Variants in MAP2K6 observed in about 807,000 individuals in gnomAD.
The protein encoded by MAP2K6 is dual specificity mitogen-activated protein kinase kinase 6.
A neutral mutation model predicts 53.7 loss-of-function variants in MAP2K6; 16 were observed. The observed-to-expected ratio is 0.30, with a 90% confidence interval of 0.20 to 0.45. The LOEUF is 0.45. Among genes scored for constraint, MAP2K6 ranks in the 20% least tolerant of loss-of-function variants. The pLI is 1.00. For missense variants in MAP2K6, 204 were observed against 411.9 expected (o/e 0.50, Z 4.37); for synonymous variants, 132 against 143.1 (o/e 0.92, Z 0.55).
At chr17:69,533,640 C>G (rs1911201032) in intron 10 of MAP2K6, among the ~76,000 whole-genome samples, 1 of 151,718 alleles carries the variant, frequency 6.6e-6, no homozygotes, top group African/African-American at 2.4e-5. Context: ...TTGTTATTTA[C>G]TTAGCGTGTT....
At chr17:69,493,547 G>A (rs1908833596) in intron 1 of MAP2K6, among the ~76,000 whole-genome samples, 1 of 152,134 alleles carries the variant, frequency 6.6e-6, no homozygotes, top group Non-Finnish European at 1.5e-5. Flanking sequence ...GATCACCTGA[G>A]GTCAGGAGTT....
intron 11 of MAP2K6, among the ~76,000 whole-genome samples, chr17:69,537,538 T>C (rs989802264): frequency 6.6e-6 from 1 of 152,212 alleles, no homozygotes; most frequent in Non-Finnish European, 1.5e-5. Flanking sequence ...GGCTTAGATA[T>C]GAGGAAGCAC....
intron 1 of MAP2K6, among the ~76,000 whole-genome samples, chr17:69,455,040 T>G (rs907155586): frequency 1.3e-4 from 19 of 151,388 alleles, no homozygotes; most frequent in Non-Finnish European, 1.0e-4. Flanking sequence ...TTATTATTTT[T>G]TTTTTTTTTT....
rs539645746 is a variant in MAP2K6, at chr17:69,446,788, T to G, written c.16+31788T>G. 3.1e-4 allele frequency among the ~76,000 whole-genome samples: 47 copies of G among 152,056 alleles called. 1 individual carries two copies. Among genetic ancestry groups the G allele is most frequent in the African/African-American group, 1.1e-3 (46 of 41,494 alleles). Reference sequence around the variant, plus strand: ...ATGCACGAACGCCTCCTCCACCCTTTTACAATTGCTGTGCTTTGAGCTTAT... The same window carrying G: ...ATGCACGAACGCCTCCTCCACCCTTGTACAATTGCTGTGCTTTGAGCTTAT... On this transcript the variant is annotated intron_variant, in intron 1 of 11. Transcript: ENST00000590474.
intron 10 of MAP2K6, among the ~76,000 whole-genome samples, chr17:69,534,006 A>G (rs1911226466): frequency 6.6e-6 from 1 of 152,102 alleles, no homozygotes; most frequent in Admixed American, 6.5e-5. Flanking sequence ...GCGTTTCTTA[A>G]TCTCTGCACT....
In MAP2K6 at chr17:69,550,146, T is replaced by G. The variant is rs1456871878; in HGVS notation, c.*8393T>G. 6.6e-6 allele frequency: 1 copy of G among 152,216 alleles called. No homozygotes were observed. Among genetic ancestry groups the G allele is most frequent in the Non-Finnish European group, 1.5e-5 (1 of 68,038 alleles). The allele number at this position is 152,216 out of a possible 1,614,324, so 9.4% of individuals were successfully genotyped here. A position where few individuals can be genotyped will look rare whatever the true frequency, so the allele number is the denominator to read the frequency against. On this transcript the variant is annotated 3_prime_UTR_variant, in exon 12 of 12. Transcript: ENST00000590474. ...TGGCATTAATTTGGGCATCAGAACA[T>G]TTTCTTTTGTATCCCTAGTGTTATT...
intron 7 of MAP2K6, among the ~76,000 whole-genome samples, chr17:69,522,133 A>C: frequency 6.6e-6 from 1 of 152,176 alleles, no homozygotes; most frequent in East Asian, 1.9e-4. Context: ...AGAATAATGG[A>C]ATGTATTGGT....
At chr17:69,467,323 C>T (rs1448184411) in intron 1 of MAP2K6, among the ~76,000 whole-genome samples, 1 of 152,154 alleles carries the variant, frequency 6.6e-6, no homozygotes, top group African/African-American at 2.4e-5. Flanking sequence ...GATGTTTTAC[C>T]TAATACTTAA....
At chr17:69,421,736 G>A (rs910557751) in intron 1 of MAP2K6, among the ~76,000 whole-genome samples, 7 of 151,742 alleles carry the variant, frequency 4.6e-5, no homozygotes, top group African/African-American at 1.5e-4. Context: ...GTAGAGATGG[G>A]ATTTCACCGT....
chr17:69,449,634 A>G (rs1361928518), intron 1 of MAP2K6, among the ~76,000 whole-genome samples: 1 of 16,612 alleles, frequency 6.0e-5, no homozygotes, highest in Non-Finnish European at 1.3e-4. Context: ...TTTTTTTTTG[A>G]GACGGAGTCT....
intron 1 of MAP2K6, among the ~76,000 whole-genome samples, chr17:69,492,277 G>T (rs1908780252): frequency 6.6e-6 from 1 of 152,160 alleles, no homozygotes; most frequent in Non-Finnish European, 1.5e-5. Context: ...GGTTTTTATA[G>T]TTTTGGGTTT....
rs1040734488 is a variant in MAP2K6 at position 69,544,057 on chromosome 17, A to C, written c.*2304A>C. 12 of 152,166 alleles carry C rather than the reference A, an allele frequency of 7.9e-5. No homozygotes were observed. Among genetic ancestry groups the C allele is most frequent in the Admixed American group, 2.0e-4 (3 of 15,272 alleles). The allele number at this position is 152,166 out of a possible 1,614,324, so 9.4% of individuals were successfully genotyped here. ...CACACCTTCATGTGATTCTGATGTG[A>C]AGCTGGGTTCAGAACACTTATCTAG... On this transcript the variant is annotated 3_prime_UTR_variant, in exon 12 of 12. Transcript: ENST00000590474.
At chr17:69,472,942 AG>A (rs1276002918) in intron 1 of MAP2K6, among the ~76,000 whole-genome samples, 3 of 152,180 alleles carry the variant, frequency 2.0e-5, no homozygotes, top group African/African-American at 7.2e-5. Context: ...CCTGGACTCA[AG>A]TGATCCACAT....
intron 1 of MAP2K6, among the ~76,000 whole-genome samples, chr17:69,470,443 G>A (rs1907949163): frequency 6.6e-6 from 1 of 152,150 alleles, no homozygotes; most frequent in African/African-American, 2.4e-5. Flanking sequence ...GTCAGGGAAG[G>A]GAGGAAACCC....
At chr17:69,454,160 A>G (rs767026482) in intron 1 of MAP2K6, among the ~76,000 whole-genome samples, 8 of 152,184 alleles carry the variant, frequency 5.3e-5, no homozygotes, top group Non-Finnish European at 1.2e-4. Context: ...TCAGGAAGCT[A>G]TTGGGATTTG....
chr17:69,464,840 C>G (rs572841523), intron 1 of MAP2K6, among the ~76,000 whole-genome samples: 4 of 151,074 alleles, frequency 2.6e-5, no homozygotes, highest in African/African-American at 7.3e-5. Flanking sequence ...TTCAGCCTCC[C>G]GAGTAGCTGG....
chr17:69,472,638 C>G (rs1908020137), intron 1 of MAP2K6, among the ~76,000 whole-genome samples: 1 of 152,178 alleles, frequency 6.6e-6, no homozygotes. Flanking sequence ...GTACTCTGAG[C>G]TACTGGGATA....
chr17:69,537,288 T>A lies in MAP2K6; in HGVS notation c.927+1128T>A, dbSNP rs377224189. On this transcript the variant is annotated intron_variant, in intron 11 of 11. Transcript: ENST00000590474. ...CAGACTATTTGCTAATTTATGTTAATTCCTAGATTTGTTTCAATTATCAAG... is the reference window on the plus strand; with the variant it reads ...CAGACTATTTGCTAATTTATGTTAAATCCTAGATTTGTTTCAATTATCAAG... 1.4e-4 allele frequency among the ~76,000 whole-genome samples: 21 copies of A among 152,358 alleles called. No homozygotes were observed. In the South Asian group the frequency reaches 4.3e-3, roughly 32 times the overall value.
rs1199952757 is a variant in MAP2K6, at chr17:69,523,584, C to T, written c.606C>T (p.Gly202=). 2.5e-6 allele frequency: 4 copies of T among 1,614,044 alleles called. No individual in the cohort carries two copies. The highest frequency in any genetic ancestry group is 1.7e-5 in the Admixed American group (1 of 60,018). ...QVKMCDFGIS[G]YLVDSVAKTI... Reference sequence around the variant, plus strand: ...AGATGTGCGATTTTGGAATCAGTGGCTACTTGGTGGACTCTGTTGCTAAAA... The same window carrying T: ...AGATGTGCGATTTTGGAATCAGTGGTTACTTGGTGGACTCTGTTGCTAAAA... Residue 202 remains glycine, a synonymous_variant, in exon 8 of 12, where the codon GGC becomes GGT. Transcript: ENST00000590474.
Sources: allele counts gnomAD v4.1 joint callset (sites outside exome capture counted in the v4.1 genomes callset), GRCh38; gene constraint gnomAD v4.1.1; transcripts MANE v1.5; gene names NCBI Gene and HGNC (gene_info 2026-07-23, HGNC 2026-07-21).